The following BARX2 variants were observed in gnomAD, a reference collection of about 807,000 sequenced individuals.
The protein encoded by BARX2 is BARX homeobox 2, also known as homeobox protein BarH-like 2.
BARX2 carries 11 observed loss-of-function variants against 25.5 expected under a neutral mutation model. That is an observed-to-expected ratio of 0.43 (90% confidence interval 0.27 to 0.71). The LOEUF is 0.71. Among genes scored for constraint, BARX2 ranks in the 30% least tolerant of loss-of-function variants. The pLI is 0.19. For synonymous variants in BARX2, 137 were observed against 149.5 expected (o/e 0.92, Z 0.61); for missense variants, 360 against 359.9 (o/e 1.00, Z 0.00).
intron 1 of BARX2, among the ~76,000 whole-genome samples, chr11:129,431,391 T>G (rs927016152): frequency 3.3e-5 from 5 of 152,240 alleles, no homozygotes; most frequent in African/African-American, 7.2e-5. Context: ...AAAGAGGCCG[T>G]ACCAGTTTGC....
chr11:129,400,244 G>T (rs180858378), intron 1 of BARX2, among the ~76,000 whole-genome samples: 2 of 152,274 alleles, frequency 1.3e-5, no homozygotes, highest in Non-Finnish European at 2.9e-5. Flanking sequence ...TTCCTGAGTA[G>T]TAAAGGGGTA....
chr11:129,447,825 AACTTACTTTTGT>A (rs1862349411), intron 3 of BARX2, among the ~76,000 whole-genome samples: 1 of 152,192 alleles, frequency 6.6e-6, no homozygotes, highest in South Asian at 2.1e-4. Flanking sequence ...TACATGGGGC[AACTTACTTTTGT>A]ATAACCTCTT....
chr11:129,384,273 G>C (rs1357129311), intron 1 of BARX2, among the ~76,000 whole-genome samples: 2 of 151,704 alleles, frequency 1.3e-5, no homozygotes, highest in Non-Finnish European at 2.9e-5. Flanking sequence ...TTTGGTAAGT[G>C]ATATGATGCT....
At chr11:129,428,710 C>T (rs1283420933) in intron 1 of BARX2, among the ~76,000 whole-genome samples, 1 of 152,330 alleles carries the variant, frequency 6.6e-6, no homozygotes, top group East Asian at 1.9e-4. Context: ...CCCATTCCAG[C>T]CGTGCCTGTT....
At chr11:129,411,250 A>T (rs2135398263) in intron 1 of BARX2, among the ~76,000 whole-genome samples, 1 of 152,094 alleles carries the variant, frequency 6.6e-6, no homozygotes, top group East Asian at 1.9e-4. Flanking sequence ...AGATGCCTGT[A>T]GTCCCAGCTA....
intron 1 of BARX2, among the ~76,000 whole-genome samples, chr11:129,396,449 G>A (rs535741068): frequency 6.6e-6 from 1 of 151,166 alleles, no homozygotes; most frequent in African/African-American, 2.4e-5. Context: ...CTAGCTAGTA[G>A]ACTATATTTT....
At chr11:129,400,995 C>T (rs995020383) in intron 1 of BARX2, among the ~76,000 whole-genome samples, 2 of 152,168 alleles carry the variant, frequency 1.3e-5, no homozygotes, top group East Asian at 1.9e-4. Context: ...TGGTCAGAGC[C>T]GTGCTCCTTA....
chr11:129,413,719 C>T (rs997573221), intron 1 of BARX2, among the ~76,000 whole-genome samples: 3 of 151,968 alleles, frequency 2.0e-5, no homozygotes, highest in Admixed American at 6.6e-5. Context: ...AAGGTGTCAT[C>T]GGCACCTTGG....
At chr11:129,391,273 C>T (rs536492161) in intron 1 of BARX2, among the ~76,000 whole-genome samples, 3 of 152,136 alleles carry the variant, frequency 2.0e-5, no homozygotes, top group African/African-American at 4.8e-5. Context: ...CGGAACATTT[C>T]GTGACCTGTG....
intron 3 of BARX2, among the ~76,000 whole-genome samples, chr11:129,450,563 T>C (rs1256077001): frequency 2.0e-5 from 3 of 152,226 alleles, no homozygotes; most frequent in African/African-American, 7.2e-5. Flanking sequence ...GCTAAACTTT[T>C]AGGATATCAC....
At chr11:129,402,659 TG>T (rs1861789321) in intron 1 of BARX2, among the ~76,000 whole-genome samples, 1 of 152,234 alleles carries the variant, frequency 6.6e-6, no homozygotes, top group African/African-American at 2.4e-5. Flanking sequence ...TCCACTATTT[TG>T]TAAATACTGG....
intron 1 of BARX2, among the ~76,000 whole-genome samples, chr11:129,427,111 C>T (rs1170094195): frequency 1.3e-5 from 2 of 152,208 alleles, no homozygotes; most frequent in African/African-American, 4.8e-5. Context: ...TTGGCTCAAT[C>T]ACTGAGCATT....
intron 1 of BARX2, among the ~76,000 whole-genome samples, chr11:129,385,914 A>G (rs1232503946): frequency 1.3e-5 from 2 of 152,244 alleles, no homozygotes; most frequent in African/African-American, 4.8e-5. Context: ...ATCCTGAAAC[A>G]GTAGCATTTA....
At chr11:129,439,266 G>C (rs1208493435) in intron 2 of BARX2, among the ~76,000 whole-genome samples, 1 of 152,120 alleles carries the variant, frequency 6.6e-6, no homozygotes, top group African/African-American at 2.4e-5. Flanking sequence ...GGCAGGAATA[G>C]AGAGGAGGAC....
chr11:129,428,676 T>C (rs975886659), intron 1 of BARX2, among the ~76,000 whole-genome samples: 1 of 152,230 alleles, frequency 6.6e-6, no homozygotes, highest in Admixed American at 6.5e-5. Flanking sequence ...CAGTGGTTTG[T>C]AGCACACACA....
At chr11:129,406,740 C>T (rs1204277967) in intron 1 of BARX2, among the ~76,000 whole-genome samples, 1 of 152,198 alleles carries the variant, frequency 6.6e-6, no homozygotes, top group Non-Finnish European at 1.5e-5. Context: ...GTTGAGCCTG[C>T]ATGTCATGGC....
intron 3 of BARX2, among the ~76,000 whole-genome samples, chr11:129,445,861 T>A (rs1310623048): frequency 6.7e-6 from 1 of 148,866 alleles, no homozygotes; most frequent in African/African-American, 2.4e-5. Context: ...TCATCTAGTT[T>A]CCCAGTAAAA....
At chr11:129,414,873 A>T (rs1043109497) in intron 1 of BARX2, among the ~76,000 whole-genome samples, 3 of 152,240 alleles carry the variant, frequency 2.0e-5, no homozygotes, top group Non-Finnish European at 4.4e-5. Context: ...AATTAAAGAG[A>T]ACAATAGTGC....
Position 129,407,951 on chromosome 11 carries a change from C to T in BARX2, c.188-28800C>T, listed in dbSNP as rs1038857376. On this transcript the variant is annotated intron_variant, in intron 1 of 3. Coordinates refer to ENST00000281437, the MANE Select transcript of BARX2 (RefSeq NM_003658.5). ...GCGCGGTGGCTCACACCTGTAATCC[C>T]AGCACTTTGGGAGGCCAAGGCGGGC... Among the ~76,000 whole-genome samples the T allele has an allele frequency of 2.1e-5, 3 of 141,906 alleles. No individual in the cohort carries two copies. In the South Asian group the frequency reaches 6.7e-4, roughly 32 times the overall value. The allele number at this position is 141,906 out of a possible 152,430, so 93.1% of individuals were successfully genotyped here.
Sources: gnomAD v4.1 joint callset for allele counts (sites outside exome capture counted in the v4.1 genomes callset) on GRCh38, gnomAD v4.1.1 for gene constraint, MANE v1.5 for transcripts, NCBI Gene and HGNC (gene_info 2026-07-23, HGNC 2026-07-21) for gene names.